The following NR3C2 variants were observed in gnomAD, a reference collection of about 807,000 sequenced individuals.
NR3C2 encodes nuclear receptor subfamily 3 group C member 2, also known as mineralocorticoid receptor.
In NR3C2, 15 loss-of-function variants were observed where a neutral mutation model predicts 86.4. That is an observed-to-expected ratio of 0.17 (90% CI 0.12 to 0.27). The LOEUF (loss-of-function observed/expected upper bound fraction) is 0.27, where lower values mean the gene tolerates loss of function less well. Among genes scored for constraint, NR3C2 ranks in the 10% least tolerant of loss-of-function variants. The pLI is 1.00. For missense variants in NR3C2, 960 were observed against 1,195.6 expected (o/e 0.80, Z 2.91); for synonymous variants, 458 against 450.5 (o/e 1.02, Z -0.21).
chr4:148,094,959 CTA>C (rs1731217199), intron 8 of NR3C2, among the ~76,000 whole-genome samples: 1 of 152,048 alleles, frequency 6.6e-6, no homozygotes, highest in Non-Finnish European at 1.5e-5. Flanking sequence ...AGAACAAATA[CTA>C]TATGATTCCA....
At chr4:148,305,540 T>TA (rs3054606) in intron 2 of NR3C2, among the ~76,000 whole-genome samples, 13,979 of 134,782 alleles carry the variant, frequency 0.1, 938 homozygotes, top group African/African-American at 0.2. Flanking sequence ...CATTCTTTCT[T>TA]AAAAAAAAAA....
chr4:148,334,725 T>C (rs1744397288), intron 2 of NR3C2, among the ~76,000 whole-genome samples: 1 of 152,236 alleles, frequency 6.6e-6, no homozygotes, highest in African/African-American at 2.4e-5. Context: ...ACTAGTGTAT[T>C]AGTTTGCTAG....
At chr4:148,086,254 G>A (rs1473595704) in intron 8 of NR3C2, among the ~76,000 whole-genome samples, 1 of 152,172 alleles carries the variant, frequency 6.6e-6, no homozygotes, top group Non-Finnish European at 1.5e-5. Flanking sequence ...ACTGAATCCA[G>A]CAGCACATTA....
At chr4:148,196,383 G>A (rs960023781) in intron 3 of NR3C2, among the ~76,000 whole-genome samples, 3 of 152,130 alleles carry the variant, frequency 2.0e-5, no homozygotes, top group African/African-American at 7.2e-5. Flanking sequence ...AAGAGGGCTG[G>A]GCTAGAGATG....
chr4:148,316,965 C>G (rs1001876367), intron 2 of NR3C2, among the ~76,000 whole-genome samples: 1 of 152,004 alleles, frequency 6.6e-6, no homozygotes, highest in Non-Finnish European at 1.5e-5. Flanking sequence ...CCATTTCCAG[C>G]TAATTTTTGT....
chr4:148,210,014 G>A (rs1322678804), intron 3 of NR3C2, among the ~76,000 whole-genome samples: 2 of 152,038 alleles, frequency 1.3e-5, no homozygotes, highest in Non-Finnish European at 2.9e-5. Context: ...ACTTTCCCTT[G>A]GGCTCCAAGT....
rs1029196147 is a variant in NR3C2, at chr4:148,200,674, A to G, written c.1898-5812T>C. ...TCCTGACTTGTTAAACAAGAATTAT[A>G]AAAGTGCCTATTTCATGAGTTATCA... On this transcript the variant is annotated intron_variant, in intron 3 of 8. Coordinates refer to ENST00000358102, the MANE Select transcript of NR3C2 (RefSeq NM_000901.5). Among the ~76,000 whole-genome samples, 7 of 152,344 alleles carry G rather than the reference A, an allele frequency of 4.6e-5. No individual in the cohort carries two copies. The East Asian group carries it at 1.2e-3, about 25-fold the overall frequency.
chr4:148,091,423 G>T (rs941281101), intron 8 of NR3C2, among the ~76,000 whole-genome samples: 4 of 152,250 alleles, frequency 2.6e-5, no homozygotes, highest in African/African-American at 9.6e-5. Context: ...AGGCGCCACA[G>T]TGCAGAGCCC....
At chr4:148,254,449 T>G (rs779372580) in intron 3 of NR3C2, among the ~76,000 whole-genome samples, 6 of 152,188 alleles carry the variant, frequency 3.9e-5, no homozygotes, top group Non-Finnish European at 7.3e-5. Context: ...AGATTCAGCA[T>G]GGGGGTCAAT....
At chr4:148,409,147 C>T (rs1021301858) in intron 2 of NR3C2, among the ~76,000 whole-genome samples, 11 of 152,210 alleles carry the variant, frequency 7.2e-5, no homozygotes, top group African/African-American at 2.6e-4. Context: ...TATTGCCAAA[C>T]GGCTTTCCAG....
intron 3 of NR3C2, among the ~76,000 whole-genome samples, chr4:148,234,682 A>G (rs995729513): frequency 1.6e-5 from 2 of 125,698 alleles, no homozygotes; most frequent in Non-Finnish European, 3.3e-5. Context: ...GACTCCAACT[A>G]AAAAAAAAAA....
chr4:148,127,262 A>G (rs146847997), intron 6 of NR3C2, among the ~76,000 whole-genome samples: 7 of 152,320 alleles, frequency 4.6e-5, no homozygotes, highest in African/African-American at 1.7e-4. Context: ...ATTAAATTAA[A>G]TGTATAGAAA....
At chr4:148,291,946 A>C (rs182552149) in intron 2 of NR3C2, among the ~76,000 whole-genome samples, 1 of 152,156 alleles carries the variant, frequency 6.6e-6, no homozygotes, top group African/African-American at 2.4e-5. Context: ...ATTTCATAAC[A>C]GCATGTTGAA....
At chr4:148,319,737 G>C (rs1457478594) in intron 2 of NR3C2, among the ~76,000 whole-genome samples, 6 of 150,850 alleles carry the variant, frequency 4.0e-5, no homozygotes, top group Non-Finnish European at 8.8e-5. Context: ...TGTATCCTGA[G>C]ACTTTGCTGA....
At chr4:148,381,178 A>T (rs1198313594) in intron 2 of NR3C2, among the ~76,000 whole-genome samples, 3 of 151,826 alleles carry the variant, frequency 2.0e-5, no homozygotes, top group Non-Finnish European at 4.4e-5. Context: ...CAGTGAGCTG[A>T]GATCACACCA....
intron 2 of NR3C2, among the ~76,000 whole-genome samples, chr4:148,285,057 T>C (rs2149900949): frequency 6.6e-6 from 1 of 152,308 alleles, no homozygotes; most frequent in Non-Finnish European, 1.5e-5. Flanking sequence ...CAGCAACATA[T>C]GGTTCACTTT....
chr4:148,176,212 C>G (rs1277824285), intron 4 of NR3C2, among the ~76,000 whole-genome samples: 2 of 152,196 alleles, frequency 1.3e-5, no homozygotes, highest in Non-Finnish European at 2.9e-5. Context: ...GAAACCTTTA[C>G]AGTAAAACTG....
At chr4:148,139,504 T>C (rs1733511744) in intron 6 of NR3C2, among the ~76,000 whole-genome samples, 1 of 152,198 alleles carries the variant, frequency 6.6e-6, no homozygotes, top group Non-Finnish European at 1.5e-5. Context: ...GAGACTGACA[T>C]ACAGCTGCAG....
intron 4 of NR3C2, among the ~76,000 whole-genome samples, chr4:148,173,128 A>T (rs1314281902): frequency 6.6e-6 from 1 of 152,186 alleles, no homozygotes; most frequent in African/African-American, 2.4e-5. Context: ...GAAGGGAGGG[A>T]TGGTGTCAGG....
Sources: gnomAD v4.1 joint callset for allele counts (sites outside exome capture counted in the v4.1 genomes callset) on GRCh38, gnomAD v4.1.1 for gene constraint, MANE v1.5 for transcripts, NCBI Gene and HGNC (gene_info 2026-07-23, HGNC 2026-07-21) for gene names.